Variants in TAF3 observed in about 807,000 individuals in gnomAD.
TAF3 encodes the protein TATA-box binding protein associated factor 3.
Under a neutral mutation model 80.6 loss-of-function variants are expected in TAF3, and 7 were observed. That is an observed-to-expected ratio of 0.09 (90% CI 0.05 to 0.16). The LOEUF (loss-of-function observed/expected upper bound fraction) is 0.16. TAF3 is among the 10% of genes least tolerant of loss of function. The pLI, the probability that TAF3 is intolerant of heterozygous loss-of-function variation, is 1.00. For synonymous variants in TAF3, 444 were observed against 446.1 expected (o/e 1.00, Z 0.06); for missense variants, 921 against 1,140.2 (o/e 0.81, Z 2.77).
At chr10:7,825,273 A>G (rs1323068364) in intron 2 of TAF3, among the ~76,000 whole-genome samples, 2 of 152,250 alleles carry the variant, frequency 1.3e-5, no homozygotes, top group Non-Finnish European at 2.9e-5. Context: ...AAAAAATTCT[A>G]AAACCTGTAT....
intron 5 of TAF3, among the ~76,000 whole-genome samples, chr10:8,010,642 T>TA (rs1272152729): frequency 6.6e-6 from 1 of 152,208 alleles, no homozygotes; most frequent in Non-Finnish European, 1.5e-5. Flanking sequence ...CGCAGTGGCT[T>TA]ACGCCTGTAA....
At chr10:7,849,865 A>C (rs776561356) in intron 2 of TAF3, among the ~76,000 whole-genome samples, 13 of 151,988 alleles carry the variant, frequency 8.6e-5, no homozygotes, top group Non-Finnish European at 1.6e-4. Flanking sequence ...TTTTTTGTAG[A>C]TACCAGGTTT....
At chr10:7,999,754 G>A (rs1292769366) in intron 4 of TAF3, among the ~76,000 whole-genome samples, 3 of 152,158 alleles carry the variant, frequency 2.0e-5, no homozygotes, top group African/African-American at 7.2e-5. Context: ...ACCGTGCCCA[G>A]CCCAAATGTA....
intron 3 of TAF3, among the ~76,000 whole-genome samples, chr10:7,975,609 A>C (rs910326088): frequency 6.6e-6 from 1 of 152,072 alleles, no homozygotes; most frequent in Non-Finnish European, 1.5e-5. Context: ...GGGCAAGATA[A>C]GTTGATAATT....
intron 4 of TAF3, among the ~76,000 whole-genome samples, chr10:7,996,221 T>C (rs190217393): frequency 1.6e-4 from 25 of 152,248 alleles, no homozygotes; most frequent in African/African-American, 6.0e-4. Context: ...ACCATAGGCA[T>C]CCAGAGGCTT....
At chr10:7,939,088 CAG>C (rs1307842487) in intron 2 of TAF3, among the ~76,000 whole-genome samples, 9 of 152,144 alleles carry the variant, frequency 5.9e-5, no homozygotes, top group African/African-American at 1.7e-4. Flanking sequence ...AGTTCAGAAA[CAG>C]GGGTCATCAG....
At chr10:7,913,227 G>A (rs1183946718) in intron 2 of TAF3, among the ~76,000 whole-genome samples, 2 of 152,132 alleles carry the variant, frequency 1.3e-5, no homozygotes, top group South Asian at 2.1e-4. Flanking sequence ...AGGCACACAG[G>A]GGGCTAGGGA....
intron 2 of TAF3, among the ~76,000 whole-genome samples, chr10:7,940,407 G>T (rs937608659): frequency 2.0e-5 from 3 of 152,162 alleles, no homozygotes; most frequent in Non-Finnish European, 4.4e-5. Flanking sequence ...TATAGATTTA[G>T]ATTAAAAGGT....
At chr10:8,006,840 C>T (rs1444821194) in intron 4 of TAF3, among the ~76,000 whole-genome samples, 3 of 152,176 alleles carry the variant, frequency 2.0e-5, no homozygotes, top group Non-Finnish European at 4.4e-5. Context: ...GGCACGGGGC[C>T]GGCAGTTCCC....
At chr10:7,846,798 C>G (rs1354533431) in intron 2 of TAF3, among the ~76,000 whole-genome samples, 6 of 152,102 alleles carry the variant, frequency 3.9e-5, no homozygotes, top group Non-Finnish European at 7.3e-5. Flanking sequence ...TTCATCATTA[C>G]TCATCAGTTA....
chr10:7,899,173 C>T (rs1405194203), intron 2 of TAF3, among the ~76,000 whole-genome samples: 3 of 152,128 alleles, frequency 2.0e-5, no homozygotes, highest in Non-Finnish European at 2.9e-5. Flanking sequence ...TTGCGATTTT[C>T]GATCCTGGGC....
Position 8,014,720 on chromosome 10 carries a change from A to G in TAF3, c.2759A>G (p.Lys920Arg). Residue 920 changes from lysine (K) to arginine (R), a missense_variant, in exon 7 of 7, where the codon AAG becomes AGG. Physicochemically the swap from Lys to Arg is conservative, Grantham distance 26 (BLOSUM62 2). Around this residue, in one of 6 missense-constraint regions of TAF3, gnomAD observed 29 missense variants for 20.3 expected, o/e 1.43. Coordinates refer to ENST00000344293, the MANE Select transcript of TAF3 (RefSeq NM_031923.4). ...TGTGCGAACAAGAAGAAGGACAAAA[A>G]GCACAAGAAGAGGAAGCATCGAGCC... Reference protein sequence around the residue: ...PKCANKKKDKKHKKRKHRAH With the variant: ...PKCANKKKDKRHKKRKHRAH The G allele has an allele frequency of 6.2e-7, 1 of 1,608,152 alleles. No individual in the cohort carries two copies. The highest frequency in any genetic ancestry group is 1.1e-5 in the South Asian group (1 of 89,730).
chr10:7,911,816 C>T (rs1466567629), intron 2 of TAF3, among the ~76,000 whole-genome samples: 3 of 152,198 alleles, frequency 2.0e-5, no homozygotes, highest in Non-Finnish European at 2.9e-5. Flanking sequence ...TTTTGGTCGA[C>T]AGCCACAGTG....
chr10:7,834,335 T>G (rs1224280032), intron 2 of TAF3, among the ~76,000 whole-genome samples: 1 of 152,190 alleles, frequency 6.6e-6, no homozygotes, highest in Non-Finnish European at 1.5e-5. Flanking sequence ...TAGTTTCAAG[T>G]CTTACATTTA....
At chr10:7,920,223 C>T (rs530895264) in intron 2 of TAF3, among the ~76,000 whole-genome samples, 8 of 151,500 alleles carry the variant, frequency 5.3e-5, no homozygotes, top group East Asian at 1.9e-4. Context: ...CACTGCACTC[C>T]GGCCTGCGCG....
At chr10:7,925,892 A>C (rs1837810834) in intron 2 of TAF3, among the ~76,000 whole-genome samples, 2 of 151,918 alleles carry the variant, frequency 1.3e-5, no homozygotes, top group Non-Finnish European at 2.9e-5. Context: ...ATTTAATTGA[A>C]GAATATGCTG....
chr10:7,830,324 C>CGTGG, intron 2 of TAF3, among the ~76,000 whole-genome samples: 1 of 151,404 alleles, frequency 6.6e-6, no homozygotes, highest in South Asian at 2.1e-4. Flanking sequence ...CACCCCACCC[C>CGTGG]TTCCTCCCTC....
At chr10:7,829,645 G>T (rs553347600) in intron 2 of TAF3, among the ~76,000 whole-genome samples, 4 of 152,260 alleles carry the variant, frequency 2.6e-5, no homozygotes, top group Admixed American at 2.6e-4. Context: ...CATATCAAAG[G>T]TCTATCCTGT....
chr10:7,822,767 C>A (rs1187012575), intron 1 of TAF3, among the ~76,000 whole-genome samples: 1 of 152,016 alleles, frequency 6.6e-6, no homozygotes, highest in South Asian at 2.1e-4. Context: ...TCAGTTAAAT[C>A]CTTTAGGCTA....
Sources: allele counts gnomAD v4.1 joint callset (sites outside exome capture counted in the v4.1 genomes callset), GRCh38; gene constraint gnomAD v4.1.1; regional missense constraint gnomAD v4.1.1; transcripts MANE v1.5; gene names NCBI Gene and HGNC (gene_info 2026-07-23, HGNC 2026-07-21).